The following TNS3 variants were observed in gnomAD, a reference collection of about 807,000 sequenced individuals.
TNS3 encodes tensin 3.
A neutral mutation model predicts 140.9 loss-of-function variants in TNS3; 45 were observed. The ratio of observed to expected loss-of-function variants is 0.32; its 90% CI spans 0.25 to 0.41. The LOEUF (loss-of-function observed/expected upper bound fraction) is 0.41. TNS3 is among the 10% of genes least tolerant of loss of function. TNS3 has a pLI of 1.00. For synonymous variants in TNS3, 815 were observed against 788.4 expected, an observed-to-expected ratio of 1.03 and a Z score of -0.56; for missense variants, 1,716 against 1,906.7, an observed-to-expected ratio of 0.90 and a Z score of 1.86.
intron 13 of TNS3, among the ~76,000 whole-genome samples, chr7:47,401,620 C>T (rs1466651054): frequency 6.6e-6 from 1 of 152,228 alleles, no homozygotes; most frequent in Non-Finnish European, 1.5e-5. Flanking sequence ...AAGGGTAGAG[C>T]AAGCCCCTCC....
chr7:47,527,907 CAAA>C lies in TNS3; in HGVS notation c.-153+1126_-153+1128del, dbSNP rs563029994. Among the ~76,000 whole-genome samples the C allele has an allele frequency of 6.5e-5, 6 of 92,834 alleles. No individual in the cohort carries two copies. In the East Asian group the frequency reaches 1.5e-3, roughly 23 times the overall value. 60.9% of individuals were successfully genotyped at this position (92,834 alleles called of 152,430 possible). On this transcript the variant is annotated intron_variant, in intron 2 of 30. Transcript: ENST00000311160. The stretch of plus-strand genomic sequence containing the variant: ...GGATGACAGAGCGAGACCCTGTCTC[CAAA>C]AAAAAAAAAAAAAGTTTTGAATCAC...
intron 3 of TNS3, among the ~76,000 whole-genome samples, chr7:47,503,992 A>G (rs1798320892): frequency 6.6e-6 from 1 of 152,100 alleles, no homozygotes; most frequent in Non-Finnish European, 1.5e-5. Flanking sequence ...ATTTCCAGCT[A>G]CCATCACCTT....
At chr7:47,474,032 G>A (rs900487458) in intron 4 of TNS3, among the ~76,000 whole-genome samples, 1 of 151,872 alleles carries the variant, frequency 6.6e-6, no homozygotes, top group Non-Finnish European at 1.5e-5. Context: ...CATCTGTCCT[G>A]TCCTTGTGTT....
chr7:47,507,037 CTGG>C, intron 2 of TNS3, 93 bp from the exon 3 acceptor site: 4 of 1,122,576 alleles, frequency 3.6e-6, no homozygotes, highest in Non-Finnish European at 4.7e-6. Flanking sequence ...TTCAGAGTCT[CTGG>C]CTTGAAGATC....
intron 4 of TNS3, among the ~76,000 whole-genome samples, chr7:47,476,694 G>A (rs906348333): frequency 7.9e-5 from 12 of 152,096 alleles, no homozygotes; most frequent in African/African-American, 2.2e-4. Flanking sequence ...TTCCCACGTC[G>A]CACATTTTCT....
chr7:47,481,740 TAAAG>T, intron 3 of TNS3: 1 of 984,526 alleles, frequency 1.0e-6, no homozygotes, highest in Non-Finnish European at 1.2e-6. Flanking sequence ...CTGGGAAAGA[TAAAG>T]AAAGTAACGG....
chr7:47,324,631 A>G (rs1490120044), intron 20 of TNS3, among the ~76,000 whole-genome samples: 1 of 152,160 alleles, frequency 6.6e-6, no homozygotes, highest in Non-Finnish European at 1.5e-5. Flanking sequence ...GCACATCTGT[A>G]GTCCCAGCTA....
At chr7:47,322,549 C>T (rs1419216857) in intron 20 of TNS3, among the ~76,000 whole-genome samples, 1 of 151,834 alleles carries the variant, frequency 6.6e-6, no homozygotes, top group Non-Finnish European at 1.5e-5. Flanking sequence ...AACACACACA[C>T]ACACACAATC....
intron 1 of TNS3, among the ~76,000 whole-genome samples, chr7:47,573,564 G>A (rs1562864065): frequency 6.6e-6 from 1 of 151,522 alleles, no homozygotes; most frequent in Non-Finnish European, 1.5e-5. Flanking sequence ...CAGGGCCTCT[G>A]CCCACGCTGC....
chr7:47,348,262 T>G (rs904600832), intron 17 of TNS3, among the ~76,000 whole-genome samples: 1 of 152,218 alleles, frequency 6.6e-6, no homozygotes, highest in Non-Finnish European at 1.5e-5. Flanking sequence ...GGAAGTGTCA[T>G]GGCCACAGAC....
intron 29 of TNS3, 38 bp from the exon 30 acceptor site, chr7:47,280,228 TA>T: frequency 6.2e-7 from 1 of 1,614,074 alleles, no homozygotes; most frequent in Non-Finnish European, 8.5e-7. Context: ...TTAATTTTTT[TA>T]AACTAAAGGA....
chr7:47,354,244 T>C (rs1012178518), intron 17 of TNS3, among the ~76,000 whole-genome samples: 1 of 152,180 alleles, frequency 6.6e-6, no homozygotes, highest in South Asian at 2.1e-4. Context: ...AGGAGAGAGC[T>C]GCCACCACAC....
rs1443425797 is a variant in TNS3 at position 47,564,309 on chromosome 7, A to T, written c.-265+17742T>A. 2.6e-5 allele frequency among the ~76,000 whole-genome samples: 4 copies of T among 151,998 alleles called. 1 individual carries two copies. In the East Asian group the frequency reaches 5.8e-4, roughly 22 times the overall value. ...TTGAAGCCCTTAAGAGAAAAGACAG[A>T]TTCCGAATTCTGCTCCAAGCTGCCT... On this transcript the variant is annotated intron_variant, in intron 1 of 30. Coordinates refer to ENST00000311160, the MANE Select transcript of TNS3 (RefSeq NM_022748.12).
At chr7:47,292,782 T>G (rs778453898) in intron 26 of TNS3, 46 bp downstream of exon 26, 4 of 1,542,288 alleles carry the variant, frequency 2.6e-6, no homozygotes, top group Non-Finnish European at 3.5e-6. Context: ...TGGCCTTGAC[T>G]GCAGACAATC....
At chr7:47,448,343 C>A (rs1795851819) in intron 4 of TNS3, among the ~76,000 whole-genome samples, 1 of 152,236 alleles carries the variant, frequency 6.6e-6, no homozygotes, top group Non-Finnish European at 1.5e-5. Flanking sequence ...GGGATCCTCC[C>A]CAGGTGGGGT....
rs1312887475 is a variant in TNS3 at position 47,389,064 on chromosome 7, A to C, written c.1024+7736T>G. Among the ~76,000 whole-genome samples, 58 of 57,684 alleles carry C rather than the reference A, an allele frequency of 1.0e-3. 12 individuals carry two copies. The highest frequency in any genetic ancestry group is 4.5e-3 in the African/African-American group (58 of 12,894). 37.8% of individuals were successfully genotyped at this position (57,684 alleles called of 152,430 possible). ...GAAGAAGAAGAAGAAGAAGAAGAAG[A>C]AGAAGAAGAAGAAGAAGAAGAGGAA... On this transcript the variant is annotated intron_variant, in intron 16 of 30. Coordinates refer to ENST00000311160, the MANE Select transcript of TNS3 (RefSeq NM_022748.12).
chr7:47,546,199 G>C (rs1396237534), intron 1 of TNS3, among the ~76,000 whole-genome samples: 1 of 152,206 alleles, frequency 6.6e-6, no homozygotes, highest in Non-Finnish European at 1.5e-5. Context: ...ATCTGCTAAA[G>C]CGGATGATCA....
intron 1 of TNS3, among the ~76,000 whole-genome samples, chr7:47,549,464 C>CA (rs1463993508): frequency 2.6e-5 from 4 of 152,068 alleles, no homozygotes; most frequent in African/African-American, 9.7e-5. Flanking sequence ...CACTGCACTC[C>CA]AGCCCGGCAA....
chr7:47,480,217 C>T (rs1489913412), intron 4 of TNS3, among the ~76,000 whole-genome samples: 1 of 152,238 alleles, frequency 6.6e-6, no homozygotes, highest in African/African-American at 2.4e-5. Flanking sequence ...TATGGCGAAG[C>T]TAGGGGGAGC....
Sources: allele counts gnomAD v4.1 joint callset (sites outside exome capture counted in the v4.1 genomes callset), GRCh38; gene constraint gnomAD v4.1.1; transcripts MANE v1.5; gene names NCBI Gene and HGNC (gene_info 2026-07-23, HGNC 2026-07-21).